The following PDE6D variants were observed in gnomAD, a reference collection of about 807,000 sequenced individuals.
PDE6D encodes the protein phosphodiesterase 6D.
In PDE6D, 10 loss-of-function variants were observed where a neutral mutation model predicts 21.9. That is an observed-to-expected ratio of 0.46 (90% CI 0.28 to 0.78). The LOEUF is 0.78. Ranked by LOEUF, PDE6D falls within the 30% of genes least tolerant of loss-of-function variation. The pLI, the probability that PDE6D is intolerant of heterozygous loss-of-function variation, is 0.12. For synonymous variants in PDE6D, 59 were observed against 63.5 expected (o/e 0.93, Z 0.34); for missense variants, 139 against 184.8 (o/e 0.75, Z 1.44).
At chr2:231,753,920 ATT>A (rs2048862713) in intron 1 of PDE6D, among the ~76,000 whole-genome samples, 1 of 152,154 alleles carries the variant, frequency 6.6e-6, no homozygotes, top group African/African-American at 2.4e-5. Context: ...TCCTACACCC[ATT>A]CTCATCCAGG....
intron 1 of PDE6D, among the ~76,000 whole-genome samples, chr2:231,777,493 A>G (rs1399572956): frequency 6.6e-6 from 1 of 152,072 alleles, no homozygotes; most frequent in African/African-American, 2.4e-5. Flanking sequence ...TCTATCTACT[A>G]TGGGCATATG....
intron 1 of PDE6D, among the ~76,000 whole-genome samples, chr2:231,749,096 C>A (rs2048817354): frequency 6.6e-6 from 1 of 152,134 alleles, no homozygotes. Flanking sequence ...CCTCCAGACC[C>A]TAGAATGGTA....
intron 1 of PDE6D, among the ~76,000 whole-genome samples, chr2:231,766,687 A>G (rs547623690): frequency 6.6e-6 from 1 of 152,288 alleles, no homozygotes; most frequent in Non-Finnish European, 1.5e-5. Context: ...CCTTCAAATT[A>G]TAACTCTTAA....
At chr2:231,781,042 C>A (rs1377955106) in intron 1 of PDE6D, 23 bp downstream of exon 1, 3 of 1,607,968 alleles carry the variant, frequency 1.9e-6, no homozygotes, top group Admixed American at 1.7e-5. Context: ...CCTCCCGGCC[C>A]CGCCCCGCTC....
At chr2:231,749,847 T>C (rs2048824078) in intron 1 of PDE6D, among the ~76,000 whole-genome samples, 1 of 152,128 alleles carries the variant, frequency 6.6e-6, no homozygotes, top group African/African-American at 2.4e-5. Context: ...GATGAGACTT[T>C]GGACTGTGGA....
intron 4 of PDE6D, among the ~76,000 whole-genome samples, chr2:231,734,269 T>G (rs1414026236): frequency 1.3e-5 from 2 of 151,976 alleles, no homozygotes; most frequent in Non-Finnish European, 2.9e-5. Flanking sequence ...GTTCCCTACT[T>G]ATAATGAATC....
At chr2:231,780,970 G>C (rs1316211917) in intron 1 of PDE6D, 95 bp downstream of exon 1, 2 of 1,117,070 alleles carry the variant, frequency 1.8e-6, no homozygotes, top group Admixed American at 1.9e-5. Flanking sequence ...TCTTCTGTGG[G>C]GCCCACCTGG....
chr2:231,736,830 T>C (rs2106260262), intron 4 of PDE6D, among the ~76,000 whole-genome samples: 1 of 152,286 alleles, frequency 6.6e-6, no homozygotes, highest in South Asian at 2.1e-4. Context: ...TTTATCTTCA[T>C]TACACCTCTG....
chr2:231,773,032 G>T (rs188327375), intron 1 of PDE6D, among the ~76,000 whole-genome samples: 104 of 152,272 alleles, frequency 6.8e-4, no homozygotes, highest in African/African-American at 2.4e-3. Context: ...GAGCCCAGAA[G>T]TTCAAGACCA....
intron 1 of PDE6D, among the ~76,000 whole-genome samples, chr2:231,753,216 C>T (rs140629751): frequency 1.1e-3 from 161 of 151,082 alleles, no homozygotes; most frequent in African/African-American, 3.7e-3. Flanking sequence ...AGGGTGGTTC[C>T]ATGACCTTGT....
intron 1 of PDE6D, among the ~76,000 whole-genome samples, chr2:231,757,616 A>G (rs947539725): frequency 6.6e-6 from 1 of 152,196 alleles, no homozygotes; most frequent in Non-Finnish European, 1.5e-5. Flanking sequence ...TTAAATCCCC[A>G]TATCAGTATG....
Position 231,732,936 on chromosome 2 carries a change from T to G in PDE6D, c.*16A>C, listed in dbSNP as rs775174959. 1 of 1,564,038 alleles carries G rather than the reference T, an allele frequency of 6.4e-7. No individual in the cohort carries two copies. The highest frequency in any genetic ancestry group is 8.8e-7 in the Non-Finnish European group (1 of 1,137,282). ...CCAAAAAACCCAAATTCTTGAAATG[T>G]ACACACATTCTTCTTTCAAACATAG... On this transcript the variant is annotated 3_prime_UTR_variant, in exon 5 of 5. Transcript: ENST00000287600.
chr2:231,732,895 C>T lies in PDE6D; in HGVS notation c.*57G>A. 1.8e-6 allele frequency: 2 copies of T among 1,082,918 alleles called. No individual in the cohort carries two copies. Among genetic ancestry groups the T allele is most frequent in the Non-Finnish European group, 2.8e-6 (2 of 711,516 alleles). The allele number at this position is 1,082,918 out of a possible 1,614,324, so 67.1% of individuals were successfully genotyped here. On this transcript the variant is annotated 3_prime_UTR_variant, in exon 5 of 5. Transcript: ENST00000287600. Reference sequence around the variant, plus strand: ...CAAACGTGTGGAGGAAAAAAGTAAACAGTTTCCTCCTCCCTCCAAAAAACC... The same window carrying T: ...CAAACGTGTGGAGGAAAAAAGTAAATAGTTTCCTCCTCCCTCCAAAAAACC...
At chr2:231,742,599 T>C (rs531933437) in intron 1 of PDE6D, among the ~76,000 whole-genome samples, 1 of 152,344 alleles carries the variant, frequency 6.6e-6, no homozygotes, top group South Asian at 2.1e-4. Flanking sequence ...ATCGTTAATA[T>C]TTGCGAAGAG....
chr2:231,749,517 T>A (rs893411869), intron 1 of PDE6D, among the ~76,000 whole-genome samples: 15 of 151,828 alleles, frequency 9.9e-5, no homozygotes, highest in African/African-American at 3.6e-4. Context: ...TTTTTTTTTT[T>A]TTTGAGATGG....
chr2:231,780,995 C>G (rs2049116349), intron 1 of PDE6D, 70 bp downstream of exon 1: 2 of 1,390,632 alleles, frequency 1.4e-6, no homozygotes, highest in Admixed American at 1.7e-5. Flanking sequence ...GCCCCCGCCC[C>G]CGGCCAGTCT....
At chr2:231,752,998 A>G (rs1259873131) in intron 1 of PDE6D, among the ~76,000 whole-genome samples, 9 of 149,690 alleles carry the variant, frequency 6.0e-5, no homozygotes, top group Non-Finnish European at 1.3e-4. Flanking sequence ...CGCCCGGCTA[A>G]TTTTTTGTAT....
intron 4 of PDE6D, among the ~76,000 whole-genome samples, chr2:231,736,979 T>G (rs919713006): frequency 1.3e-5 from 2 of 152,310 alleles, no homozygotes; most frequent in Admixed American, 6.5e-5. Flanking sequence ...TTTATTTTTA[T>G]TTTTAGTTTT....
intron 1 of PDE6D, among the ~76,000 whole-genome samples, chr2:231,769,548 A>ATG (rs1453009367): frequency 2.0e-5 from 3 of 151,512 alleles, no homozygotes; most frequent in Non-Finnish European, 2.9e-5. Context: ...ACACAGAGAT[A>ATG]TGTATATATA....
Sources: allele counts gnomAD v4.1 joint callset (sites outside exome capture counted in the v4.1 genomes callset), GRCh38; gene constraint gnomAD v4.1.1; transcripts MANE v1.5; gene names NCBI Gene and HGNC (gene_info 2026-07-23, HGNC 2026-07-21).